KMT2E: variants seen among roughly 807,000 people sequenced by gnomAD.
KMT2E encodes histone reader KMT2E.
KMT2E carries 30 observed loss-of-function variants against 184.6 expected under a neutral mutation model. The ratio of observed to expected loss-of-function variants is 0.16; its 90% CI spans 0.12 to 0.22. The LOEUF (loss-of-function observed/expected upper bound fraction) is 0.22. KMT2E is among the 10% of genes least tolerant of loss of function. KMT2E has a pLI of 1.00. For synonymous variants in KMT2E, 815 were observed against 776.5 expected, an observed-to-expected ratio of 1.05 and a Z score of -0.82; for missense variants, 2,023 against 2,237.4, an observed-to-expected ratio of 0.90 and a Z score of 1.93.
At chr7:105,020,291 C>T (rs892814460) in intron 1 of KMT2E, among the ~76,000 whole-genome samples, 2 of 152,222 alleles carry the variant, frequency 1.3e-5, no homozygotes, top group East Asian at 1.9e-4. Flanking sequence ...GTGGTACTTA[C>T]AACTTTAAAG....
intron 3 of KMT2E, among the ~76,000 whole-genome samples, chr7:105,050,423 T>G (rs1237468726): frequency 1.3e-5 from 2 of 152,172 alleles, no homozygotes; most frequent in African/African-American, 4.8e-5. Flanking sequence ...TTTAAAAAAC[T>G]TGGTTTTTAG....
chr7:105,074,909 T>G, intron 8 of KMT2E, 94 bp downstream of exon 8: 7 of 847,814 alleles, frequency 8.3e-6, no homozygotes, highest in South Asian at 2.8e-5. Flanking sequence ...TAATCGATGA[T>G]AGCTAAAAAG....
intron 15 of KMT2E, among the ~76,000 whole-genome samples, chr7:105,095,630 T>C (rs1798375442): frequency 6.6e-6 from 1 of 152,246 alleles, no homozygotes; most frequent in Non-Finnish European, 1.5e-5. Context: ...CCATGATATT[T>C]TGTCTTTTTT....
At chr7:105,029,313 T>C (rs936489192) in intron 1 of KMT2E, among the ~76,000 whole-genome samples, 2 of 152,226 alleles carry the variant, frequency 1.3e-5, no homozygotes, top group African/African-American at 4.8e-5. Context: ...AAGAGCAATA[T>C]AATTTTGTTC....
chr7:105,078,487 T>G (rs1160760586), intron 11 of KMT2E, among the ~76,000 whole-genome samples: 1 of 152,008 alleles, frequency 6.6e-6, no homozygotes, highest in Non-Finnish European at 1.5e-5. Context: ...TAACAGATTA[T>G]TGTCCTAAAA....
At chr7:105,029,346 G>A (rs1442646075) in intron 1 of KMT2E, among the ~76,000 whole-genome samples, 1 of 152,180 alleles carries the variant, frequency 6.6e-6, no homozygotes, top group Non-Finnish European at 1.5e-5. Context: ...CAAGAACCTA[G>A]AGCAGTATCT....
intron 1 of KMT2E, among the ~76,000 whole-genome samples, chr7:105,015,414 T>G (rs546015304): frequency 6.6e-6 from 1 of 152,236 alleles, no homozygotes; most frequent in Admixed American, 6.5e-5. Context: ...AACGATACAA[T>G]TTAAAGTCAA....
At chr7:105,030,067 A>G (rs1795342159) in intron 1 of KMT2E, among the ~76,000 whole-genome samples, 1 of 152,234 alleles carries the variant, frequency 6.6e-6, no homozygotes, top group African/African-American at 2.4e-5. Context: ...AGATGATCTA[A>G]TTGTGGAAGC....
intron 15 of KMT2E, among the ~76,000 whole-genome samples, chr7:105,099,964 A>G (rs1166465965): frequency 6.6e-6 from 1 of 152,200 alleles, no homozygotes; most frequent in Non-Finnish European, 1.5e-5. Context: ...AAAGGGGTAA[A>G]GGTAATTTAA....
Position 105,098,938 on chromosome 7 carries a change from A to G in KMT2E, c.1723-2487A>G, listed in dbSNP as rs1424011993. On this transcript the variant is annotated intron_variant, in intron 15 of 26. Transcript: ENST00000311117. ...GTTAATTAGGAATCCTAATTTCTCTATCTCCAGAGTCAGCTCTAACTACCT... is the reference window on the plus strand; with the variant it reads ...GTTAATTAGGAATCCTAATTTCTCTGTCTCCAGAGTCAGCTCTAACTACCT... Among the ~76,000 whole-genome samples, 9 of 152,146 alleles carry G rather than the reference A, an allele frequency of 5.9e-5. No individual in the cohort carries two copies. The East Asian group carries it at 1.5e-3, about 26-fold the overall frequency.
In KMT2E at chr7:105,112,970, C is replaced by T. The variant is rs1190414180; in HGVS notation, c.5214C>T (p.Ala1738=). The T allele has an allele frequency of 6.2e-7, 1 of 1,614,062 alleles. No homozygotes were observed. The change falls in exon 27 of 27, where the codon GCC becomes GCT. Residue 1738 remains alanine (A), a synonymous_variant. Transcript: ENST00000311117. ...ASGHHTTSAQ[A]LHHPPHQGPP... is the part of the protein sequence containing the mutation. ...GGCATCATACCACATCAGCTCAAGC[C>T]TTACACCACCCACCTCATCAAGGAC...
intron 13 of KMT2E, among the ~76,000 whole-genome samples, chr7:105,083,534 A>G (rs1797841121): frequency 1.3e-5 from 2 of 152,240 alleles, no homozygotes; most frequent in South Asian, 2.1e-4. Flanking sequence ...TTATACAACC[A>G]AAAGACTGGC....
chr7:105,016,598 T>C (rs1367121142), intron 1 of KMT2E, among the ~76,000 whole-genome samples: 1 of 152,246 alleles, frequency 6.6e-6, no homozygotes, highest in Non-Finnish European at 1.5e-5. Context: ...TTTTAAAGTG[T>C]GAAAGATTAG....
intron 18 of KMT2E, 24 bp from the exon 19 acceptor site, chr7:105,105,835 A>G (rs566807944): frequency 3.8e-5 from 60 of 1,599,750 alleles, no homozygotes; most frequent in East Asian, 8.9e-5. Context: ...ATTCCTGTTC[A>G]TTCATGTATT....
intron 13 of KMT2E, among the ~76,000 whole-genome samples, chr7:105,086,609 C>T (rs1356284235): frequency 6.6e-6 from 1 of 151,764 alleles, no homozygotes; most frequent in Non-Finnish European, 1.5e-5. Context: ...TCTGTAATCC[C>T]AGCTACTCAG....
chr7:105,106,182 C>T (rs1024959813), intron 19 of KMT2E, among the ~76,000 whole-genome samples, 179 bp downstream of exon 19: 1 of 152,160 alleles, frequency 6.6e-6, no homozygotes, highest in Non-Finnish European at 1.5e-5. Context: ...CACAATACCA[C>T]GTATGCTGGG....
chr7:105,097,575 T>TG (rs1798465154), intron 15 of KMT2E, among the ~76,000 whole-genome samples: 1 of 152,148 alleles, frequency 6.6e-6, no homozygotes, highest in East Asian at 1.9e-4. Context: ...TTAGTAGAGA[T>TG]GGGGTTTCAC....
chr7:105,052,887 C>T (rs1208917921), intron 3 of KMT2E, among the ~76,000 whole-genome samples: 2 of 151,916 alleles, frequency 1.3e-5, no homozygotes, highest in Non-Finnish European at 2.9e-5. Flanking sequence ...GCCTGTATTG[C>T]TTGAAGATCT....
At chr7:105,073,564 AAGAC>A in intron 6 of KMT2E, 51 bp from the exon 7 acceptor site, 2 of 1,105,210 alleles carry the variant, frequency 1.8e-6, no homozygotes, top group East Asian at 2.4e-5. Flanking sequence ...TATCACATTT[AAGAC>A]AGATCTGCTT....
Sources: gnomAD v4.1 joint callset for allele counts (sites outside exome capture counted in the v4.1 genomes callset) on GRCh38, gnomAD v4.1.1 for gene constraint, MANE v1.5 for transcripts, NCBI Gene and HGNC (gene_info 2026-07-23, HGNC 2026-07-21) for gene names.